The following GLDC variants were observed in gnomAD, a reference collection of about 807,000 sequenced individuals.
GLDC encodes the protein glycine decarboxylase.
A neutral mutation model predicts 121.3 loss-of-function variants in GLDC; 104 were observed. That is an observed-to-expected ratio of 0.86 (90% CI 0.73 to 1.01). GLDC has a LOEUF of 1.01. Among genes scored for constraint, GLDC ranks in the 50% least tolerant of loss-of-function variants. The probability of loss-of-function intolerance (pLI) is 0.00; values close to 1 mark genes in which losing one functional copy is unlikely to be tolerated. For missense variants in GLDC, 1,429 were observed against 1,306.6 expected, an observed-to-expected ratio of 1.09 and a Z score of -1.44; for synonymous variants, 546 against 480.6, an observed-to-expected ratio of 1.14 and a Z score of -1.78.
chr9:6,604,767 A>G lies in GLDC; in HGVS notation c.879T>C (p.Ala293=). The change falls in exon 7 of 25, where the codon GCT becomes GCC. Residue 293 remains alanine, a synonymous_variant. Transcript: ENST00000321612. ...AHQSGSLACC[A]TDLLALCILR... is the part of the protein sequence containing the mutation. ...AGATGCACAAAGCTAAAAGGTCAGT[A>G]GCACAGCAGGCCAGGCTCTAGAAAG... is the stretch of plus-strand genomic sequence containing the variant. The G allele has an allele frequency of 6.2e-7, 1 of 1,614,068 alleles. No individual in the cohort carries two copies. The highest frequency in any genetic ancestry group is 8.5e-7 in the Non-Finnish European group (1 of 1,179,874).
chr9:6,554,650 C>T lies in GLDC; in HGVS notation c.2315+19G>A. On this transcript the variant is annotated intron_variant, in intron 19 of 24. Transcript: ENST00000321612. ...TTCTGTCTCCAAAGCCATCCTGAAA[C>T]CAGCAGCCCAGAACTTACACTCCGA... The T allele has an allele frequency of 1.9e-6, 3 of 1,543,600 alleles. No individual in the cohort carries two copies. In the South Asian group the frequency reaches 3.4e-5, roughly 17 times the overall value.
intron 22 of GLDC, among the ~76,000 whole-genome samples, chr9:6,538,573 A>G (rs569301986): frequency 6.6e-6 from 1 of 152,298 alleles, no homozygotes; most frequent in Non-Finnish European, 1.5e-5. Context: ...AGTGCCTACT[A>G]TGTGCCAGGC....
chr9:6,535,939 A>G, intron 23 of GLDC, 125 bp downstream of exon 23: 1 of 861,550 alleles, frequency 1.2e-6, no homozygotes, highest in Admixed American at 1.8e-5. Context: ...TCTTCTCAGA[A>G]GAATTACCTT....
chr9:6,615,420 A>AT (rs1216084873), intron 3 of GLDC, among the ~76,000 whole-genome samples: 8 of 143,272 alleles, frequency 5.6e-5, no homozygotes, highest in African/African-American at 1.6e-4. Flanking sequence ...TCTACTAAAA[A>AT]TTTAAAAAAA....
chr9:6,582,835 A>T (rs923393475), intron 15 of GLDC, among the ~76,000 whole-genome samples: 2 of 152,156 alleles, frequency 1.3e-5, no homozygotes, highest in East Asian at 3.9e-4. Context: ...TCTCAAAAAA[A>T]AAAAAAAAGA....
intron 19 of GLDC, among the ~76,000 whole-genome samples, 175 bp downstream of exon 19, chr9:6,554,494 T>C (rs1817577429): frequency 6.6e-6 from 1 of 152,178 alleles, no homozygotes. Flanking sequence ...CGCTTTTCTT[T>C]GGAAATCCCC....
intron 8 of GLDC, among the ~76,000 whole-genome samples, chr9:6,600,099 GCTCATGCCT>G (rs1321831938): frequency 1.3e-5 from 2 of 152,140 alleles, no homozygotes; most frequent in Non-Finnish European, 2.9e-5. Context: ...AGGCACGGTG[GCTCATGCCT>G]ATAATCCTAT....
Position 6,553,348 on chromosome 9 carries a change from C to T in GLDC, c.2457+20G>A. The T allele has an allele frequency of 6.2e-7, 1 of 1,613,142 alleles. No individual in the cohort carries two copies. The highest frequency in any genetic ancestry group is 8.5e-7 in the Non-Finnish European group (1 of 1,179,358). ...ACGCCCCCACCCACCTGCACACCTG[C>T]ACATACTCCCAGGCCTCACCTTGAT... On this transcript the variant is annotated intron_variant, in intron 20 of 24. Coordinates refer to ENST00000321612, the MANE Select transcript of GLDC (RefSeq NM_000170.3).
At chr9:6,636,275 G>A (rs1020946165) in intron 2 of GLDC, among the ~76,000 whole-genome samples, 83 of 151,320 alleles carry the variant, frequency 5.5e-4, no homozygotes, top group Admixed American at 5.3e-3. Context: ...CTGTACTCCA[G>A]CCTGGGTGAC....
At chr9:6,555,024 A>T (rs1563835160) in intron 18 of GLDC, 3 of 571,538 alleles carry the variant, frequency 5.2e-6, no homozygotes, top group Non-Finnish European at 9.4e-6. Flanking sequence ...TCCAATTTAG[A>T]TTTAAAAATA....
At chr9:6,545,648 T>C (rs1817372211) in intron 21 of GLDC, among the ~76,000 whole-genome samples, 1 of 152,228 alleles carries the variant, frequency 6.6e-6, no homozygotes, top group Non-Finnish European at 1.5e-5. Flanking sequence ...ACTGTAACTT[T>C]TTTTATTTTT....
intron 1 of GLDC, 71 bp downstream of exon 1, chr9:6,645,174 C>T: frequency 1.4e-6 from 2 of 1,433,038 alleles, no homozygotes; most frequent in African/African-American, 1.4e-5. Flanking sequence ...GGGTAGGAGC[C>T]GGGAGGCCGC....
chr9:6,643,611 A>G (rs1206708205), intron 2 of GLDC, among the ~76,000 whole-genome samples: 1 of 151,950 alleles, frequency 6.6e-6, no homozygotes, highest in East Asian at 1.9e-4. Flanking sequence ...TACCCACATA[A>G]AAATACCCCT....
chr9:6,639,668 A>AAAATATATATAT lies in GLDC; in HGVS notation c.334+4945_334+4946insATATATATATTT. On this transcript the variant is annotated intron_variant, in intron 2 of 24. Coordinates refer to ENST00000321612, the MANE Select transcript of GLDC (RefSeq NM_000170.3). Reference sequence around the variant, plus strand: ...ATATATCTTTTCACCATAAAAAAAAAGTATATATATATATATATATGGACA... The same window carrying AAAATATATATAT: ...ATATATCTTTTCACCATAAAAAAAAAAAATATATATATGTATATATATATATATATATGGACA... The AAAATATATATAT allele has an allele frequency of 2.6e-4, 64 of 250,538 alleles. 1 individual carries two copies. The highest frequency in any genetic ancestry group is 1.2e-3 in the Middle Eastern group (1 of 832). The allele number at this position is 250,538 out of a possible 1,614,324, so 15.5% of individuals were successfully genotyped here.
At chr9:6,565,067 C>G (rs1455701501) in intron 16 of GLDC, among the ~76,000 whole-genome samples, 1 of 152,262 alleles carries the variant, frequency 6.6e-6, no homozygotes, top group Non-Finnish European at 1.5e-5. Context: ...TTCCTGCCCT[C>G]TTCCTCCCTC....
chr9:6,560,169 C>T (rs1426728201), intron 16 of GLDC, among the ~76,000 whole-genome samples: 5 of 152,046 alleles, frequency 3.3e-5, no homozygotes, highest in Admixed American at 3.3e-4. Context: ...AGGTTTTCCC[C>T]AACAAAAAGC....
chr9:6,632,058 C>G (rs910126709), intron 2 of GLDC, among the ~76,000 whole-genome samples: 1 of 151,918 alleles, frequency 6.6e-6, no homozygotes, highest in Admixed American at 6.6e-5. Context: ...ACAGTGAGAC[C>G]CTGCCTCAAA....
At chr9:6,638,243 A>G (rs1363170373) in intron 2 of GLDC, among the ~76,000 whole-genome samples, 3 of 149,572 alleles carry the variant, frequency 2.0e-5, no homozygotes, top group South Asian at 2.1e-4. Flanking sequence ...ACAGAGTCTC[A>G]CTGTCGCCCA....
chr9:6,608,316 G>A (rs1487163095), intron 4 of GLDC, among the ~76,000 whole-genome samples: 2 of 150,512 alleles, frequency 1.3e-5, no homozygotes, highest in South Asian at 2.1e-4. Context: ...CAGCTACGTG[G>A]GAGGCTGAGG....
Sources: allele counts gnomAD v4.1 joint callset (sites outside exome capture counted in the v4.1 genomes callset), GRCh38; gene constraint gnomAD v4.1.1; transcripts MANE v1.5; gene names NCBI Gene and HGNC (gene_info 2026-07-23, HGNC 2026-07-21).